APAF1: variants seen among roughly 807,000 people sequenced by gnomAD.
The protein encoded by APAF1 is apoptotic protease-activating factor 1.
A neutral mutation model predicts 152.4 loss-of-function variants in APAF1; 91 were observed. The observed-to-expected ratio is 0.60, with a 90% CI of 0.50 to 0.71. The LOEUF (loss-of-function observed/expected upper bound fraction) is 0.71, where lower values mean the gene tolerates loss of function less well. Ranked by LOEUF, APAF1 falls within the 30% of genes least tolerant of loss-of-function variation. APAF1 has a pLI of 0.00. For synonymous variants in APAF1, 484 were observed against 494.1 expected (o/e 0.98, Z 0.27); for missense variants, 1,283 against 1,472.0 (o/e 0.87, Z 2.10).
intron 10 of APAF1, among the ~76,000 whole-genome samples, chr12:98,669,941 CT>C (rs1181388907): frequency 1.3e-5 from 2 of 150,366 alleles, no homozygotes; most frequent in Non-Finnish European, 3.0e-5. Flanking sequence ...TGCCCTTGCC[CT>C]TTCTTTGACA....
intron 22 of APAF1, among the ~76,000 whole-genome samples, chr12:98,716,282 C>G (rs77103840): frequency 0.11 from 17,062 of 152,194 alleles, 1,023 homozygotes; most frequent in East Asian, 0.25. Context: ...TTCCGCCTTC[C>G]ACCTGTCCTG....
chr12:98,685,252 G>A (rs1193490925), intron 15 of APAF1, among the ~76,000 whole-genome samples: 2 of 151,912 alleles, frequency 1.3e-5, no homozygotes, highest in African/African-American at 4.8e-5. Flanking sequence ...CCAAAGAGAG[G>A]AGATATAATA....
At chr12:98,655,461 G>A (rs2097655883) in intron 4 of APAF1, among the ~76,000 whole-genome samples, 1 of 150,870 alleles carries the variant, frequency 6.6e-6, no homozygotes, top group Non-Finnish European at 1.5e-5. Context: ...GCAGGGGGCT[G>A]ACCCCCCCAC....
At chr12:98,717,383 G>GT (rs1192420095) in intron 22 of APAF1, among the ~76,000 whole-genome samples, 91 of 146,386 alleles carry the variant, frequency 6.2e-4, no homozygotes, top group Middle Eastern at 7.0e-3. Context: ...ATTTTTTTTT[G>GT]TTTTTTTTTG....
chr12:98,683,388 C>A, intron 15 of APAF1, 114 bp downstream of exon 15: 2 of 1,065,304 alleles, frequency 1.9e-6, no homozygotes, highest in Non-Finnish European at 2.8e-6. Flanking sequence ...ATGATAGAAA[C>A]TACAATAATA....
rs113714048 is a variant in APAF1 at position 98,729,220 on chromosome 12, A to T, written c.3600+1904A>T. Among the ~76,000 whole-genome samples the T allele has an allele frequency of 4.2e-3, 636 of 152,352 alleles. 7 individuals are homozygous for T. The highest frequency in any genetic ancestry group is 0.014 in the African/African-American group (600 of 41,574). On this transcript the variant is annotated intron_variant, in intron 26 of 26. Transcript: ENST00000551964. ...GCAGTTTACTTGTAAAAGTGGTAGA[A>T]GATGATACTCTATATCAGCGGTCCC...
chr12:98,698,694 G>T (rs945692270), intron 16 of APAF1, among the ~76,000 whole-genome samples: 1 of 152,094 alleles, frequency 6.6e-6, no homozygotes, highest in Non-Finnish European at 1.5e-5. Flanking sequence ...ATCCTTCTCC[G>T]TGGCCAACCT....
rs1355766210 is a variant in APAF1 at position 98,673,587 on chromosome 12, A to G, written c.1793+1868A>G. On this transcript the variant is annotated intron_variant, in intron 12 of 26. Transcript: ENST00000551964. ...TATGTATAATTTATATCTAAATAGA[A>G]GTCCAGGTTGGTATCTGTGATCTTT... Among the ~76,000 whole-genome samples the G allele has an allele frequency of 3.3e-5, 5 of 152,334 alleles. No individual in the cohort carries two copies. In the East Asian group the frequency reaches 9.6e-4, roughly 29 times the overall value.
intron 22 of APAF1, among the ~76,000 whole-genome samples, chr12:98,722,907 T>G (rs558897231): frequency 8.6e-5 from 13 of 150,944 alleles, no homozygotes; most frequent in South Asian, 2.1e-4. Context: ...TATTGTGTGT[T>G]TTTTTTTTTC....
rs2097717944 is a variant in APAF1, at chr12:98,703,435, A to G, written c.2531A>G (p.Gln844Arg). The G allele has an allele frequency of 8.7e-6, 14 of 1,613,878 alleles. No individual in the cohort carries two copies. Among genetic ancestry groups the G allele is most frequent in the Non-Finnish European group, 1.1e-5 (13 of 1,179,884 alleles). ...EIHTGHHSTI[Q>R]YCDFSPQNHL... ...CACACGGGCCATCACAGCACCATCC[A>G]GTACTGTGACTTCTCCCCACAAAAC... The change falls in exon 18 of 27, where the codon CAG becomes CGG. Residue 844 changes from glutamine to arginine, a missense_variant. Coordinates refer to ENST00000551964, the MANE Select transcript of APAF1 (RefSeq NM_181861.2).
intron 16 of APAF1, among the ~76,000 whole-genome samples, chr12:98,692,447 T>A (rs981623415): frequency 1.3e-5 from 2 of 152,044 alleles, no homozygotes; most frequent in African/African-American, 4.8e-5. Flanking sequence ...CATGTGCAGG[T>A]TTGTTATGTG....
At chr12:98,666,797 C>T (rs2097673383) in intron 9 of APAF1, among the ~76,000 whole-genome samples, 2 of 151,978 alleles carry the variant, frequency 1.3e-5, no homozygotes, top group Admixed American at 1.3e-4. Flanking sequence ...GGCAAGAATA[C>T]CAATGATGTT....
intron 22 of APAF1, 65 bp from the exon 23 acceptor site, chr12:98,723,128 C>T: frequency 1.3e-6 from 2 of 1,544,812 alleles, no homozygotes; most frequent in Non-Finnish European, 1.8e-6. Context: ...TGTACACTCT[C>T]TCCACCCCTC....
chr12:98,664,428 T>A (rs2097669624), intron 7 of APAF1, among the ~76,000 whole-genome samples: 1 of 151,974 alleles, frequency 6.6e-6, no homozygotes, highest in African/African-American at 2.4e-5. Flanking sequence ...AAAAAAAAAA[T>A]AGAAATTATC....
At chr12:98,693,201 T>C (rs943274770) in intron 16 of APAF1, among the ~76,000 whole-genome samples, 3 of 152,134 alleles carry the variant, frequency 2.0e-5, no homozygotes, top group African/African-American at 7.2e-5. Flanking sequence ...GTAAATGGGA[T>C]TGTGTTCTTG....
At chr12:98,650,856 T>G (rs2097648132) in intron 4 of APAF1, among the ~76,000 whole-genome samples, 1 of 152,212 alleles carries the variant, frequency 6.6e-6, no homozygotes, top group Admixed American at 6.5e-5. Flanking sequence ...GTTCCTTTAG[T>G]GTGAAGGAAT....
intron 16 of APAF1, among the ~76,000 whole-genome samples, 198 bp downstream of exon 16, chr12:98,687,071 T>C (rs1184290222): frequency 6.6e-6 from 1 of 152,124 alleles, no homozygotes; most frequent in African/African-American, 2.4e-5. Context: ...ATGCTTAAAG[T>C]TCTATAATGT....
intron 15 of APAF1, among the ~76,000 whole-genome samples, chr12:98,685,496 C>T (rs542156788): frequency 6.6e-6 from 1 of 152,024 alleles, no homozygotes; most frequent in African/African-American, 2.4e-5. Context: ...GCCACCATGC[C>T]TGGCTAATTT....
intron 5 of APAF1, 106 bp downstream of exon 5, chr12:98,659,449 A>C: frequency 1.6e-6 from 2 of 1,230,060 alleles, no homozygotes; most frequent in Non-Finnish European, 2.4e-6. Context: ...TTCTATAGGG[A>C]GGATAAGAGA....
Sources: gnomAD v4.1 joint callset for allele counts (sites outside exome capture counted in the v4.1 genomes callset) on GRCh38, gnomAD v4.1.1 for gene constraint, MANE v1.5 for transcripts, NCBI Gene and HGNC (gene_info 2026-07-23, HGNC 2026-07-21) for gene names.